WDFY2: variants seen among roughly 807,000 people sequenced by gnomAD.
WDFY2 encodes WD repeat and FYVE domain containing 2.
A neutral mutation model predicts 56.4 loss-of-function variants in WDFY2; 36 were observed. The ratio of observed to expected loss-of-function variants is 0.64; its 90% CI spans 0.49 to 0.84. WDFY2 has a LOEUF of 0.84. WDFY2 is among the 40% of genes least tolerant of loss of function. WDFY2 has a pLI of 0.00. For missense variants in WDFY2, 444 were observed against 512.2 expected, an observed-to-expected ratio of 0.87 and a Z score of 1.29; for synonymous variants, 176 against 183.7, an observed-to-expected ratio of 0.96 and a Z score of 0.34.
At chr13:51,638,466 A>G (rs1428012089) in intron 1 of WDFY2, among the ~76,000 whole-genome samples, 1 of 152,242 alleles carries the variant, frequency 6.6e-6, no homozygotes, top group Non-Finnish European at 1.5e-5. Flanking sequence ...GTATTCCCAA[A>G]TAAGTGCAAG....
At chr13:51,731,326 T>C (rs536581528) in intron 6 of WDFY2, among the ~76,000 whole-genome samples, 3 of 152,356 alleles carry the variant, frequency 2.0e-5, no homozygotes, top group African/African-American at 7.2e-5. Context: ...TAAGCACTCT[T>C]GTCAGCCACA....
Position 51,739,051 on chromosome 13 carries a change from G to T in WDFY2, c.601G>T (p.Gly201Trp). ...TCTGGTTGTGTCTGTCCTCTCAGGT[G>T]GGGTGACCGCTCTCTGTTGGGACCC... ...LVTTFRGHTG[G>W]VTALCWDPVQ... The change falls in exon 7 of 12, where the codon GGG becomes TGG. Residue 201 changes from glycine (G) to tryptophan (W), a missense_variant and splice_region_variant. Gly to Trp is a radical substitution (Grantham distance 184). Transcript: ENST00000298125. 6.3e-7 allele frequency: 1 copy of T among 1,581,698 alleles called. No homozygotes were observed. The highest frequency in any genetic ancestry group is 8.6e-7 in the Non-Finnish European group (1 of 1,163,788).
intron 1 of WDFY2, among the ~76,000 whole-genome samples, chr13:51,646,153 G>T (rs1432889247): frequency 6.6e-6 from 1 of 152,112 alleles, no homozygotes; most frequent in African/African-American, 2.4e-5. Flanking sequence ...GCCTTTTCCA[G>T]GCTGCCCCCA....
At chr13:51,652,571 C>G (rs1343707906) in intron 1 of WDFY2, among the ~76,000 whole-genome samples, 1 of 152,174 alleles carries the variant, frequency 6.6e-6, no homozygotes, top group Non-Finnish European at 1.5e-5. Context: ...CTTAGTGCTT[C>G]CTTCAGGAGC....
intron 7 of WDFY2, among the ~76,000 whole-genome samples, chr13:51,746,812 T>A (rs1159258273): frequency 6.6e-6 from 1 of 152,204 alleles, no homozygotes; most frequent in Non-Finnish European, 1.5e-5. Flanking sequence ...TCAACAGTAT[T>A]CCAGACAAAT....
At chr13:51,600,589 C>A (rs1462121697) in intron 1 of WDFY2, among the ~76,000 whole-genome samples, 1 of 152,144 alleles carries the variant, frequency 6.6e-6, no homozygotes, top group Non-Finnish European at 1.5e-5. Flanking sequence ...TTGCGGAATT[C>A]CTTGGGAAGG....
intron 6 of WDFY2, among the ~76,000 whole-genome samples, chr13:51,737,545 T>C (rs1162372929): frequency 2.7e-5 from 1 of 37,442 alleles, no homozygotes; most frequent in Non-Finnish European, 4.8e-5. Context: ...CAGGAGACAA[T>C]GAATTTAAAA....
chr13:51,758,224 A>T lies in WDFY2; in HGVS notation c.1097A>T (p.Lys366Ile). 3 of 1,593,664 alleles carry T rather than the reference A, an allele frequency of 1.9e-6. No homozygotes were observed. The highest frequency in any genetic ancestry group is 2.6e-6 in the Non-Finnish European group (3 of 1,164,620). Reference protein sequence around the residue: ...RAPTATFHDSKHNIVHVHFDA... With the variant: ...RAPTATFHDSIHNIVHVHFDA... ...CCCACAGCCACCTTCCATGACAGTA[A>T]ACATAACATTGTGCATGTGCATTTC... is the stretch of plus-strand genomic sequence containing the variant. The change falls in exon 11 of 12, where the codon AAA becomes ATA. Residue 366 changes from lysine (K) to isoleucine (I), a missense_variant. Coordinates refer to ENST00000298125, the MANE Select transcript of WDFY2 (RefSeq NM_052950.4).
intron 1 of WDFY2, among the ~76,000 whole-genome samples, chr13:51,649,890 T>A (rs921871405): frequency 2.6e-5 from 4 of 152,190 alleles, no homozygotes; most frequent in African/African-American, 9.7e-5. Context: ...AGGATTGACT[T>A]GGCAATGCGG....
rs1192035097 is a variant in WDFY2 at position 51,762,955 on chromosome 13, A to T, written c.*3186A>T. ...CTTCACAATAGCAAAATGGTTTGAG[A>T]TTAAGCATTTGGAATCTTATGTCAT... On this transcript the variant is annotated 3_prime_UTR_variant, in exon 12 of 12. Coordinates refer to ENST00000298125, the MANE Select transcript of WDFY2 (RefSeq NM_052950.4). 6 of 152,220 alleles carry T rather than the reference A, an allele frequency of 3.9e-5. No homozygotes were observed. The highest frequency in any genetic ancestry group is 6.5e-5 in the Admixed American group (1 of 15,282). The allele number at this position is 152,220 out of a possible 1,614,324, so 9.4% of individuals were successfully genotyped here.
intron 3 of WDFY2, among the ~76,000 whole-genome samples, chr13:51,688,238 A>G (rs1371624866): frequency 6.6e-6 from 1 of 152,184 alleles, no homozygotes; most frequent in East Asian, 1.9e-4. Context: ...AACAGGGATC[A>G]TGATGGAGGC....
chr13:51,751,595 T>A, intron 8 of WDFY2, 180 bp downstream of exon 8: 1 of 609,668 alleles, frequency 1.6e-6, no homozygotes, highest in Middle Eastern at 3.5e-4. Flanking sequence ...CATGTAACAT[T>A]ACTGTGATGG....
chr13:51,642,944 G>A (rs933270771), intron 1 of WDFY2, among the ~76,000 whole-genome samples: 6 of 152,110 alleles, frequency 3.9e-5, no homozygotes, highest in Admixed American at 1.3e-4. Context: ...CCAAAGTGCT[G>A]GGATTACAGG....
chr13:51,658,842 A>T (rs1955560030), intron 1 of WDFY2, among the ~76,000 whole-genome samples: 1 of 152,224 alleles, frequency 6.6e-6, no homozygotes, highest in Non-Finnish European at 1.5e-5. Flanking sequence ...TGCAAACTTA[A>T]CATCATAACT....
chr13:51,702,992 C>T (rs993662701), intron 3 of WDFY2, among the ~76,000 whole-genome samples: 3 of 152,038 alleles, frequency 2.0e-5, no homozygotes, highest in African/African-American at 4.8e-5. Context: ...ATATAATGCG[C>T]GATACAGAAA....
intron 6 of WDFY2, among the ~76,000 whole-genome samples, chr13:51,738,488 C>T (rs943217941): frequency 2.0e-5 from 3 of 152,138 alleles, no homozygotes; most frequent in Non-Finnish European, 4.4e-5. Flanking sequence ...CATGGTGTTA[C>T]CATCATCTGC....
chr13:51,747,400 T>C (rs1242343591), intron 7 of WDFY2, among the ~76,000 whole-genome samples: 2 of 152,214 alleles, frequency 1.3e-5, no homozygotes, highest in Admixed American at 6.5e-5. Context: ...TCTGAAATAC[T>C]AATAAAATGT....
chr13:51,588,886 C>G (rs1231232966), intron 1 of WDFY2: 1 of 151,958 alleles, frequency 6.6e-6, no homozygotes, highest in African/African-American at 2.4e-5. Flanking sequence ...GATAAAAAGG[C>G]CTGTGTTGGT....
At chr13:51,643,664 T>C (rs1047103901) in intron 1 of WDFY2, among the ~76,000 whole-genome samples, 32 of 152,182 alleles carry the variant, frequency 2.1e-4, no homozygotes, top group African/African-American at 7.5e-4. Flanking sequence ...TGGCTGATGC[T>C]AATAACTAGG....
Sources: allele counts gnomAD v4.1 joint callset (sites outside exome capture counted in the v4.1 genomes callset), GRCh38; gene constraint gnomAD v4.1.1; transcripts MANE v1.5; gene names NCBI Gene and HGNC (gene_info 2026-07-23, HGNC 2026-07-21).